The following GFRA1 variants were observed in gnomAD, a reference collection of about 807,000 sequenced individuals.
The protein encoded by GFRA1 is GDNF family receptor alpha 1.
A neutral mutation model predicts 51.6 loss-of-function variants in GFRA1; 16 were observed. The observed-to-expected ratio is 0.31, with a 90% CI of 0.21 to 0.47. The LOEUF (loss-of-function observed/expected upper bound fraction) is 0.47. Ranked by LOEUF, GFRA1 falls within the 20% of genes least tolerant of loss-of-function variation. GFRA1 has a pLI of 1.00. For missense variants in GFRA1, 530 were observed against 594.3 expected, an observed-to-expected ratio of 0.89 and a Z score of 1.13; for synonymous variants, 270 against 241.3, an observed-to-expected ratio of 1.12 and a Z score of -1.10.
upstream of GFRA1, among the ~76,000 whole-genome samples, chr10:116,274,078 A>G (rs939507250): frequency 6.6e-6 from 1 of 152,194 alleles, no homozygotes; most frequent in Non-Finnish European, 1.5e-5. Flanking sequence ...TCGAGAGTAA[A>G]TTAACAACAA....
chr10:116,200,302 A>C (rs1034911474), intron 5 of GFRA1, among the ~76,000 whole-genome samples: 6 of 152,272 alleles, frequency 3.9e-5, no homozygotes, highest in Non-Finnish European at 7.4e-5. Context: ...TGTTCCCTTC[A>C]AGATGACTAT....
chr10:116,224,616 A>C (rs530601472), intron 4 of GFRA1, among the ~76,000 whole-genome samples: 12 of 152,224 alleles, frequency 7.9e-5, no homozygotes, highest in Non-Finnish European at 1.6e-4. Context: ...GTGTGGTTCT[A>C]TTTATATGAA....
intron 4 of GFRA1, among the ~76,000 whole-genome samples, chr10:116,242,062 C>T (rs1270856867): frequency 6.6e-6 from 1 of 152,108 alleles, no homozygotes; most frequent in Non-Finnish European, 1.5e-5. Flanking sequence ...TCAAAACATC[C>T]CCTCAACTGA....
intron 6 of GFRA1, among the ~76,000 whole-genome samples, chr10:116,104,653 C>T (rs140305087): frequency 6.0e-4 from 91 of 152,312 alleles, no homozygotes; most frequent in African/African-American, 2.0e-3. Context: ...CATCAAACTG[C>T]AGTAGCCCCC....
At chr10:116,145,223 A>G (rs1958750239) in intron 5 of GFRA1, among the ~76,000 whole-genome samples, 1 of 151,782 alleles carries the variant, frequency 6.6e-6, no homozygotes, top group South Asian at 2.1e-4. Context: ...ACAAAGTAAA[A>G]AGATAAGCCA....
chr10:116,091,516 G>T (rs1956333086), intron 8 of GFRA1, among the ~76,000 whole-genome samples: 1 of 152,152 alleles, frequency 6.6e-6, no homozygotes, highest in African/African-American at 2.4e-5. Context: ...AAAGACCTGA[G>T]TGAAAGCCAC....
intron 2 of GFRA1, 43 bp from the exon 3 acceptor site, chr10:116,271,158 A>C (rs777474227): frequency 7.1e-6 from 11 of 1,540,418 alleles, no homozygotes; most frequent in Middle Eastern, 2.2e-4. Flanking sequence ...GCGGGCGGGG[A>C]CCCCGGCCGC....
chr10:116,065,825 A>T (rs1347861569), intron 9 of GFRA1, among the ~76,000 whole-genome samples, 199 bp from the exon 10 acceptor site: 1 of 152,182 alleles, frequency 6.6e-6, no homozygotes, highest in East Asian at 1.9e-4. Flanking sequence ...AATATATATT[A>T]TTTAACCCAA....
chr10:116,091,547 A>G (rs1956334366), intron 8 of GFRA1, among the ~76,000 whole-genome samples: 1 of 152,198 alleles, frequency 6.6e-6, no homozygotes, highest in South Asian at 2.1e-4. Context: ...CCTCACCTCC[A>G]TCCCATTTGT....
intron 4 of GFRA1, among the ~76,000 whole-genome samples, chr10:116,212,335 C>G (rs1174897424): frequency 1.3e-5 from 2 of 151,940 alleles, no homozygotes; most frequent in Admixed American, 6.6e-5. Flanking sequence ...GCCTGGCTAA[C>G]ATGGTGAAAC....
chr10:116,117,892 T>C (rs1957492493), intron 6 of GFRA1, among the ~76,000 whole-genome samples: 1 of 152,144 alleles, frequency 6.6e-6, no homozygotes, highest in Non-Finnish European at 1.5e-5. Context: ...CTTTTCTTCC[T>C]AAGACTCTGT....
At chr10:116,192,242 T>G (rs1162819335) in intron 5 of GFRA1, among the ~76,000 whole-genome samples, 1 of 152,200 alleles carries the variant, frequency 6.6e-6, no homozygotes, top group East Asian at 1.9e-4. Flanking sequence ...TCTACCTGAA[T>G]GCACACAAAT....
intron 4 of GFRA1, among the ~76,000 whole-genome samples, chr10:116,249,072 C>T (rs1295075773): frequency 1.3e-5 from 2 of 152,222 alleles, no homozygotes; most frequent in African/African-American, 4.8e-5. Flanking sequence ...CAACCTTGGC[C>T]TTTCCTTTGC....
chr10:116,207,061 A>C (rs745811514), intron 5 of GFRA1, among the ~76,000 whole-genome samples: 19 of 127,778 alleles, frequency 1.5e-4, no homozygotes, highest in Non-Finnish European at 2.8e-4. Context: ...AGTCCACTTA[A>C]AACTTCTCCA....
At chr10:116,174,535 C>T (rs1016520176) in intron 5 of GFRA1, among the ~76,000 whole-genome samples, 1 of 152,168 alleles carries the variant, frequency 6.6e-6, no homozygotes, top group African/African-American at 2.4e-5. Flanking sequence ...TCCATAATGA[C>T]CTAAAACAGA....
intron 6 of GFRA1, among the ~76,000 whole-genome samples, chr10:116,114,864 C>A (rs1323355793): frequency 3.3e-5 from 5 of 152,216 alleles, no homozygotes; most frequent in African/African-American, 1.2e-4. Context: ...GAGGTACTTG[C>A]ACAAAAATAT....
chr10:116,252,424 TCA>T (rs1968459802), intron 4 of GFRA1, among the ~76,000 whole-genome samples: 1 of 152,158 alleles, frequency 6.6e-6, no homozygotes, highest in African/African-American at 2.4e-5. Context: ...ATTGCCGCCC[TCA>T]CACTCAGGTG....
intron 4 of GFRA1, among the ~76,000 whole-genome samples, chr10:116,244,238 A>G (rs913748131): frequency 1.3e-5 from 2 of 150,516 alleles, no homozygotes; most frequent in Non-Finnish European, 3.0e-5. Flanking sequence ...ACTGCCTTAT[A>G]GTAAATATTT....
intron 4 of GFRA1, among the ~76,000 whole-genome samples, chr10:116,233,513 G>A: frequency 6.6e-6 from 1 of 152,126 alleles, no homozygotes; most frequent in African/African-American, 2.4e-5. Flanking sequence ...TTGCAGCCTG[G>A]CCTGGTCCAG....
Sources: gnomAD v4.1 joint callset for allele counts (sites outside exome capture counted in the v4.1 genomes callset) on GRCh38, gnomAD v4.1.1 for gene constraint, MANE v1.5 for transcripts, NCBI Gene and HGNC (gene_info 2026-07-23, HGNC 2026-07-21) for gene names.